The following ANO4 variants were observed in gnomAD, a reference collection of about 807,000 sequenced individuals.
ANO4 encodes the protein anoctamin-4.
In ANO4, 69 loss-of-function variants were observed where a neutral mutation model predicts 141.9. The ratio of observed to expected loss-of-function variants is 0.49; its 90% CI spans 0.40 to 0.59. The LOEUF (loss-of-function observed/expected upper bound fraction) is 0.59, where lower values mean the gene tolerates loss of function less well. ANO4 is among the 20% of genes least tolerant of loss of function. ANO4 has a pLI of 0.00. For synonymous variants in ANO4, 350 were observed against 394.3 expected (o/e 0.89, Z 1.33); for missense variants, 894 against 1,162.2 (o/e 0.77, Z 3.36).
At chr12:100,877,316 A>G (rs1024632396) in intron 1 of ANO4, among the ~76,000 whole-genome samples, 2 of 151,798 alleles carry the variant, frequency 1.3e-5, no homozygotes, top group African/African-American at 4.8e-5. Context: ...GGTGCTGGAT[A>G]TACTAATTAG....
At chr12:100,800,192 A>G (rs1216034586) in intron 1 of ANO4, among the ~76,000 whole-genome samples, 1 of 152,236 alleles carries the variant, frequency 6.6e-6, no homozygotes, top group Non-Finnish European at 1.5e-5. Flanking sequence ...AACTATTTAA[A>G]TGATCATTGA....
chr12:101,029,446 A>G (rs2046876734), intron 9 of ANO4, among the ~76,000 whole-genome samples: 2 of 152,304 alleles, frequency 1.3e-5, no homozygotes, highest in East Asian at 1.9e-4. Flanking sequence ...CTCATGTGCA[A>G]AGACCCCCAT....
chr12:100,823,432 A>G (rs974530814), intron 1 of ANO4, among the ~76,000 whole-genome samples: 1 of 151,988 alleles, frequency 6.6e-6, no homozygotes, highest in African/African-American at 2.4e-5. Context: ...TTTAAATGCT[A>G]AATTTTCTTC....
intron 1 of ANO4, among the ~76,000 whole-genome samples, chr12:100,821,365 C>T (rs2036042653): frequency 1.3e-5 from 2 of 151,966 alleles, no homozygotes; most frequent in South Asian, 2.1e-4. Context: ...AGTTTTTAAA[C>T]AGGTATGTCC....
At chr12:100,904,955 A>C (rs985248087) in intron 2 of ANO4, among the ~76,000 whole-genome samples, 1 of 152,200 alleles carries the variant, frequency 6.6e-6, no homozygotes, top group Non-Finnish European at 1.5e-5. Flanking sequence ...GGGCCAACAA[A>C]ATATCCTAAT....
chr12:100,752,427 A>T (rs544744892), intron 3 of ANO4, among the ~76,000 whole-genome samples: 1 of 152,176 alleles, frequency 6.6e-6, no homozygotes, highest in Non-Finnish European at 1.5e-5. Flanking sequence ...TATTTATTAC[A>T]TACTCTGATA....
chr12:100,975,722 G>A (rs2044151709), intron 7 of ANO4, among the ~76,000 whole-genome samples: 1 of 151,876 alleles, frequency 6.6e-6, no homozygotes, highest in East Asian at 1.9e-4. Context: ...ATTACAGGGT[G>A]AGCCACCACG....
At chr12:101,051,478 T>G (rs752108384) in intron 14 of ANO4, among the ~76,000 whole-genome samples, 112 of 152,368 alleles carry the variant, frequency 7.4e-4, no homozygotes, top group Non-Finnish European at 1.3e-3. Context: ...CCCAGAAATG[T>G]GCTAGTTTGA....
intron 27 of ANO4, 75 bp downstream of exon 27, chr12:101,127,149 C>A: frequency 1.5e-6 from 2 of 1,375,204 alleles, no homozygotes; most frequent in Non-Finnish European, 2.0e-6. Flanking sequence ...TGAAGCAAAG[C>A]TTACCATTGT....
intron 8 of ANO4, among the ~76,000 whole-genome samples, chr12:101,018,029 G>A (rs1288264513): frequency 6.6e-6 from 1 of 152,228 alleles, no homozygotes; most frequent in Admixed American, 6.5e-5. Context: ...ACCATTTAAT[G>A]GAGGAGGGAC....
At chr12:100,870,231 C>A (rs1284644947) in intron 1 of ANO4, among the ~76,000 whole-genome samples, 3 of 152,156 alleles carry the variant, frequency 2.0e-5, no homozygotes, top group Admixed American at 2.0e-4. Context: ...TGACATTTTC[C>A]TCTAATATTT....
intron 2 of ANO4, among the ~76,000 whole-genome samples, chr12:100,915,099 G>A (rs563257760): frequency 1.3e-5 from 2 of 152,174 alleles, no homozygotes; most frequent in Non-Finnish European, 2.9e-5. Flanking sequence ...GGGGTTACAG[G>A]TGTGAGCCAC....
intron 3 of ANO4, among the ~76,000 whole-genome samples, chr12:100,928,546 G>A (rs2041967243): frequency 1.3e-5 from 2 of 152,116 alleles, no homozygotes; most frequent in South Asian, 2.1e-4. Flanking sequence ...TTTGAACTCA[G>A]GTCTGTCTGA....
chr12:100,808,329 A>G (rs191644297), intron 1 of ANO4, among the ~76,000 whole-genome samples: 17 of 152,128 alleles, frequency 1.1e-4, no homozygotes, highest in African/African-American at 4.1e-4. Context: ...GCTTTTTTTC[A>G]TATTATCGTT....
intron 1 of ANO4, chr12:100,852,295 G>A (rs1217766343): frequency 6.6e-6 from 1 of 152,172 alleles, no homozygotes; most frequent in South Asian, 2.1e-4. Flanking sequence ...CAGTTCAGTT[G>A]TGTTCAGATG....
In ANO4 at chr12:100,942,546, T is replaced by A. The variant is rs773437085; in HGVS notation, c.456+11T>A. The A allele has an allele frequency of 2.5e-6, 4 of 1,608,816 alleles. No individual in the cohort carries two copies. The Admixed American group carries it at 6.8e-5, about 27-fold the overall frequency. ...CAAATGGAGAAAGAGGTAAATAGTTTGCTTGGATGAGAAAAAAATATATAC... is the reference window on the plus strand; with the variant it reads ...CAAATGGAGAAAGAGGTAAATAGTTAGCTTGGATGAGAAAAAAATATATAC... On this transcript the variant is annotated intron_variant, in intron 5 of 27. Coordinates refer to ENST00000392977, the MANE Select transcript of ANO4 (RefSeq NM_001286615.2).
At chr12:100,974,125 CA>C (rs1297684997) in intron 6 of ANO4, among the ~76,000 whole-genome samples, 3 of 152,172 alleles carry the variant, frequency 2.0e-5, no homozygotes, top group African/African-American at 7.2e-5. Flanking sequence ...ATTCTCCATT[CA>C]AACTACACCA....
chr12:100,952,397 A>G (rs549238797), intron 5 of ANO4, among the ~76,000 whole-genome samples: 3 of 152,328 alleles, frequency 2.0e-5, no homozygotes, highest in African/African-American at 7.2e-5. Flanking sequence ...AAGAGTCTGG[A>G]CATATTGACA....
At chr12:100,760,047 T>C (rs2135522863) in intron 3 of ANO4, among the ~76,000 whole-genome samples, 1 of 152,292 alleles carries the variant, frequency 6.6e-6, no homozygotes, top group African/African-American at 2.4e-5. Flanking sequence ...ACCCCTCTCC[T>C]CCCTGTCAGA....
Sources: allele counts gnomAD v4.1 joint callset (sites outside exome capture counted in the v4.1 genomes callset), GRCh38; gene constraint gnomAD v4.1.1; transcripts MANE v1.5; gene names NCBI Gene and HGNC (gene_info 2026-07-23, HGNC 2026-07-21).